Variants in PFKFB3 observed in about 807,000 individuals in gnomAD.
PFKFB3 encodes 6-phosphofructo-2-kinase/fructose-2,6-bisphosphatase 3.
A neutral mutation model predicts 68.0 loss-of-function variants in PFKFB3; 33 were observed. The ratio of observed to expected loss-of-function variants is 0.49; its 90% CI spans 0.37 to 0.65. The LOEUF is 0.65. Ranked by LOEUF, PFKFB3 falls within the 30% of genes least tolerant of loss-of-function variation. The pLI is 0.00. For missense variants in PFKFB3, 586 were observed against 712.2 expected (o/e 0.82, Z 2.02); for synonymous variants, 315 against 288.2 (o/e 1.09, Z -0.94).
At chr10:6,170,532 C>T (rs1360022641) in intron 1 of PFKFB3, among the ~76,000 whole-genome samples, 1 of 152,194 alleles carries the variant, frequency 6.6e-6, no homozygotes, top group African/African-American at 2.4e-5. Context: ...ACATAGACCT[C>T]CTTCCTACAA....
upstream of PFKFB3, among the ~76,000 whole-genome samples, chr10:6,201,654 G>C (rs964085393): frequency 6.6e-6 from 1 of 152,250 alleles, no homozygotes; most frequent in Non-Finnish European, 1.5e-5. The surrounding 1 kb of genome is among the most constrained non-coding windows in gnomAD (Gnocchi z 4.1). Context: ...CGTGAGCGAC[G>C]TGTGGCAGCC....
chr10:6,214,283 TC>T (rs1844417312), intron 2 of PFKFB3, among the ~76,000 whole-genome samples: 1 of 152,114 alleles, frequency 6.6e-6, no homozygotes, highest in Non-Finnish European at 1.5e-5. Context: ...ATGTGATGGA[TC>T]TAGGTTGTGT....
chr10:6,218,897 C>T (rs1844767224), intron 6 of PFKFB3, among the ~76,000 whole-genome samples: 1 of 152,218 alleles, frequency 6.6e-6, no homozygotes, highest in African/African-American at 2.4e-5. Flanking sequence ...GTGGCTGCCT[C>T]TCAGTGACGG....
chr10:6,180,186 A>C (rs913652562), intron 1 of PFKFB3, among the ~76,000 whole-genome samples: 1 of 149,866 alleles, frequency 6.7e-6, no homozygotes, highest in East Asian at 2.0e-4. Context: ...TAAAAGAAAA[A>C]AAAAATGCTG....
At chr10:6,297,894 C>T in the PFKFB3 span, among the ~76,000 whole-genome samples, 1,430 of 152,186 alleles carry the variant, frequency 9.4e-3, 20 homozygotes, top group African/African-American at 0.033. Context: ...CCTAAAGACC[C>T]GTCTCTCTTC....
the PFKFB3 span, among the ~76,000 whole-genome samples, chr10:6,298,372 C>CTTTTT: frequency 1.4e-5 from 2 of 139,666 alleles, no homozygotes; most frequent in Non-Finnish European, 1.6e-5. Flanking sequence ...GTTCAGGGCA[C>CTTTTT]TTTTTTTTTT....
the PFKFB3 span, among the ~76,000 whole-genome samples, chr10:6,267,887 A>G: frequency 1.3e-4 from 18 of 138,974 alleles, no homozygotes; most frequent in Admixed American, 3.3e-4. Context: ...CCCGGGAGGC[A>G]GAGGTTGCAG....
chr10:6,146,576 G>A (rs1048828712), intron 1 of PFKFB3: 50 of 1,340,948 alleles, frequency 3.7e-5, no homozygotes, highest in Non-Finnish European at 4.5e-5. Context: ...TTAACTGCAG[G>A]GGACAATCAT....
chr10:6,291,838 G>T, the PFKFB3 span, among the ~76,000 whole-genome samples: 1 of 151,750 alleles, frequency 6.6e-6, no homozygotes, highest in Non-Finnish European at 1.5e-5. Flanking sequence ...CAGTTAAGGC[G>T]ACAGTTCAAG....
intron 1 of PFKFB3, among the ~76,000 whole-genome samples, chr10:6,153,025 C>CA (rs1259641799): frequency 4.6e-5 from 7 of 151,728 alleles, no homozygotes; most frequent in Non-Finnish European, 8.8e-5. Flanking sequence ...ACTAAAAATA[C>CA]AAAAAAATTA....
intron 1 of PFKFB3, among the ~76,000 whole-genome samples, chr10:6,183,614 A>AAAAATATATAT (rs1242752213): frequency 8.5e-5 from 8 of 93,944 alleles, no homozygotes; most frequent in African/African-American, 2.4e-4. Flanking sequence ...AAAAAAAAAA[A>AAAAATATATAT]ATATATATAT....
chr10:6,307,386 T>C, the PFKFB3 span, among the ~76,000 whole-genome samples: 1 of 151,826 alleles, frequency 6.6e-6, no homozygotes, highest in Non-Finnish European at 1.5e-5. Flanking sequence ...ACTGGTTCTG[T>C]TTCTCTGGAG....
At chr10:6,177,392 C>CTTTCTTTCTT (rs1842517460) in intron 1 of PFKFB3, among the ~76,000 whole-genome samples, 2 of 135,456 alleles carry the variant, frequency 1.5e-5, no homozygotes, top group Non-Finnish European at 3.1e-5. Context: ...TTCTTTCTTT[C>CTTTCTTTCTT]TTTCTTTCTT....
At chr10:6,167,264 G>A (rs1407429009) in intron 1 of PFKFB3, among the ~76,000 whole-genome samples, 1 of 152,208 alleles carries the variant, frequency 6.6e-6, no homozygotes, top group Non-Finnish European at 1.5e-5. Context: ...CCCTCCAGGT[G>A]GTACCAGGTA....
the PFKFB3 span, among the ~76,000 whole-genome samples, chr10:6,322,153 T>C: frequency 1.3e-5 from 2 of 152,244 alleles, no homozygotes; most frequent in African/African-American, 4.8e-5. Flanking sequence ...TCTCCCTTTC[T>C]GCTTCATCTA....
the PFKFB3 span, among the ~76,000 whole-genome samples, chr10:6,317,097 C>T: frequency 6.6e-6 from 1 of 152,168 alleles, no homozygotes; most frequent in Non-Finnish European, 1.5e-5. Flanking sequence ...TCAAGGTATT[C>T]ATGGATGCCT....
At chr10:6,150,363 G>A (rs1410970749) in intron 1 of PFKFB3, among the ~76,000 whole-genome samples, 1 of 152,214 alleles carries the variant, frequency 6.6e-6, no homozygotes, top group Non-Finnish European at 1.5e-5. Context: ...GCTCATGCCT[G>A]TAACCCAGCA....
chr10:6,302,748 A>G, the PFKFB3 span, among the ~76,000 whole-genome samples: 1 of 94,890 alleles, frequency 1.1e-5, no homozygotes, highest in African/African-American at 4.1e-5. Flanking sequence ...ATGTGTGTGT[A>G]TACACACACA....
At chr10:6,239,874 A>G (rs1846101201), downstream of PFKFB3, among the ~76,000 whole-genome samples, 3 of 151,990 alleles carry the variant, frequency 2.0e-5, no homozygotes, top group Admixed American at 6.5e-5. Context: ...GGGTTTCACC[A>G]TGTTGGCCAG....
Sources: gnomAD v4.1 joint callset for allele counts (sites outside exome capture counted in the v4.1 genomes callset) on GRCh38, gnomAD v4.1.1 for gene constraint, Gnocchi (gnomAD v3.1) non-coding constraint, MANE v1.5 for transcripts, NCBI Gene and HGNC (gene_info 2026-07-23, HGNC 2026-07-21) for gene names.